Variants in PMS1 observed in about 807,000 individuals in gnomAD.
PMS1 encodes the protein PMS1 protein homolog 1.
In PMS1, 79 loss-of-function variants were observed where a neutral mutation model predicts 93.1. That is an observed-to-expected ratio of 0.85 (90% CI 0.71 to 1.02). PMS1 has a LOEUF of 1.02. PMS1 is among the 50% of genes least tolerant of loss of function. The pLI, the probability that PMS1 is intolerant of heterozygous loss-of-function variation, is 0.00. For synonymous variants in PMS1, 335 were observed against 363.4 expected (o/e 0.92, Z 0.89); for missense variants, 1,064 against 1,085.3 (o/e 0.98, Z 0.28).
intron 5 of PMS1, among the ~76,000 whole-genome samples, chr2:189,821,176 G>A (rs2051823824): frequency 6.6e-6 from 1 of 152,194 alleles, no homozygotes; most frequent in South Asian, 2.1e-4. Flanking sequence ...AGAAAAGTGG[G>A]CTGGGCGCAG....
intron 6 of PMS1, among the ~76,000 whole-genome samples, chr2:189,852,265 G>T (rs1486493307): frequency 1.3e-5 from 2 of 151,854 alleles, no homozygotes; most frequent in Non-Finnish European, 1.5e-5. Flanking sequence ...AGGAAAAGAT[G>T]GTTAAAGACA....
intron 6 of PMS1, among the ~76,000 whole-genome samples, chr2:189,851,822 T>A (rs2054763205): frequency 6.6e-6 from 1 of 150,826 alleles, no homozygotes; most frequent in Non-Finnish European, 1.5e-5. Flanking sequence ...AAAAATCACA[T>A]AGCTAGTGGT....
At chr2:189,793,731 C>G (rs1045558444) in intron 2 of PMS1, among the ~76,000 whole-genome samples, 17 of 152,172 alleles carry the variant, frequency 1.1e-4, no homozygotes, top group African/African-American at 3.9e-4. Context: ...ATATTTTAAT[C>G]TGGCTGTAAA....
rs1185428118 is a variant in PMS1, at chr2:189,859,738, A to C, written c.1857-4005A>C. 2.0e-5 allele frequency among the ~76,000 whole-genome samples: 3 copies of C among 152,084 alleles called. No individual in the cohort carries two copies. The East Asian group carries it at 5.8e-4, about 29-fold the overall frequency. ...ATTTTTCGAACATCCATTATCTTCT[A>C]CCTTTGAAATTGAGTTAAATTAGAT... is the stretch of plus-strand genomic sequence containing the variant. On this transcript the variant is annotated intron_variant, in intron 9 of 12. Coordinates refer to ENST00000441310, the MANE Select transcript of PMS1 (RefSeq NM_000534.5).
At chr2:189,858,227 T>G (rs1246195457) in intron 9 of PMS1, among the ~76,000 whole-genome samples, 1 of 152,104 alleles carries the variant, frequency 6.6e-6, no homozygotes, top group Non-Finnish European at 1.5e-5. Flanking sequence ...TCTAGTGGAT[T>G]AAAATCCAGA....
chr2:189,809,695 A>G (rs1357925049), intron 4 of PMS1, among the ~76,000 whole-genome samples: 2 of 151,924 alleles, frequency 1.3e-5, no homozygotes, highest in Non-Finnish European at 2.9e-5. Context: ...AATACAAAAA[A>G]TTAGCCAGGC....
At chr2:189,803,314 A>G (rs2050057663) in intron 3 of PMS1, among the ~76,000 whole-genome samples, 1 of 152,146 alleles carries the variant, frequency 6.6e-6, no homozygotes, top group African/African-American at 2.4e-5. Context: ...TGAAGTTTAA[A>G]TGCTTTTATG....
intron 5 of PMS1, among the ~76,000 whole-genome samples, chr2:189,836,525 C>T (rs183101983): frequency 6.4e-4 from 97 of 152,290 alleles, no homozygotes; most frequent in Middle Eastern, 3.4e-3. Context: ...ATTGATGAAA[C>T]GGTAGAGAAA....
At chr2:189,845,792 G>T (rs775915221) in intron 6 of PMS1, among the ~76,000 whole-genome samples, 5 of 151,926 alleles carry the variant, frequency 3.3e-5, no homozygotes, top group Non-Finnish European at 5.9e-5. Context: ...GTGCAGTAGC[G>T]CAGTTTTTGC....
chr2:189,853,510 C>A lies in PMS1; in HGVS notation c.823-429C>A, dbSNP rs562677304. Among the ~76,000 whole-genome samples, 8 of 142,182 alleles carry A rather than the reference C, an allele frequency of 5.6e-5. No homozygotes were observed. In the East Asian group the frequency reaches 1.0e-3, roughly 18 times the overall value. The allele number at this position is 142,182 out of a possible 152,430, so 93.3% of individuals were successfully genotyped here. On this transcript the variant is annotated intron_variant, in intron 7 of 12. Transcript: ENST00000441310. ...GTATTACAGATAATGCTTTTCTTTT[C>A]TTTTCTTTTCTTTTTTTTTTTTTGA...
chr2:189,873,558 G>C lies in PMS1; in HGVS notation c.2536G>C (p.Gly846Arg). The change falls in exon 12 of 13, where the codon GGA (glycine) becomes CGA (arginine). Residue 846 changes from glycine (G) to arginine (R), a missense_variant. Gly to Arg is a moderately radical substitution (Grantham distance 125, BLOSUM62 -2). Transcript: ENST00000441310. ...AATGGCTAATTGTCTCCCATTCTAT[G>C]GAGTAGCAGATTTAAAAGAAATTCT... ...EGMANCLPFY[G>R]VADLKEILNA... The C allele has an allele frequency of 3.8e-6, 6 of 1,599,648 alleles. No homozygotes were observed. In the East Asian group the frequency reaches 6.7e-5, roughly 18 times the overall value.
chr2:189,874,721 G>C (rs1396909773), intron 12 of PMS1, among the ~76,000 whole-genome samples: 3 of 152,224 alleles, frequency 2.0e-5, no homozygotes, highest in Non-Finnish European at 4.4e-5. Context: ...ACCTTCTGAA[G>C]AATGTATTCA....
chr2:189,810,299 T>G (rs2050723303), intron 4 of PMS1, among the ~76,000 whole-genome samples: 1 of 152,174 alleles, frequency 6.6e-6, no homozygotes, highest in African/African-American at 2.4e-5. Flanking sequence ...AAACATAATT[T>G]TAAAAACTTG....
chr2:189,835,928 ATT>A (rs1192685430), intron 5 of PMS1, among the ~76,000 whole-genome samples: 1 of 149,446 alleles, frequency 6.7e-6, no homozygotes, highest in African/African-American at 2.5e-5. Context: ...AAAAAAAAAA[ATT>A]CATTGGTGCT....
At chr2:189,824,826 C>A (rs2052281117) in intron 5 of PMS1, among the ~76,000 whole-genome samples, 1 of 151,904 alleles carries the variant, frequency 6.6e-6, no homozygotes. Context: ...TGCTGTTGCA[C>A]CTTTAAAATG....
intron 5 of PMS1, among the ~76,000 whole-genome samples, chr2:189,825,681 C>G (rs1364074389): frequency 6.6e-6 from 1 of 152,076 alleles, no homozygotes; most frequent in Non-Finnish European, 1.5e-5. Flanking sequence ...TAATTAGAGG[C>G]CCACTGGTAT....
At chr2:189,797,856 GTTTTC>G in intron 3 of PMS1, among the ~76,000 whole-genome samples, 1 of 152,110 alleles carries the variant, frequency 6.6e-6, no homozygotes, top group African/African-American at 2.4e-5. Flanking sequence ...GATAGTGTAG[GTTTTC>G]TCCATTTTTT....
At chr2:189,815,547 G>A in intron 4 of PMS1, among the ~76,000 whole-genome samples, 1 of 152,102 alleles carries the variant, frequency 6.6e-6, no homozygotes, top group Non-Finnish European at 1.5e-5. Flanking sequence ...ACTCTCTCAT[G>A]CCGCCTTGTG....
At chr2:189,821,546 C>A (rs1160469932) in intron 5 of PMS1, among the ~76,000 whole-genome samples, 1 of 152,080 alleles carries the variant, frequency 6.6e-6, no homozygotes, top group East Asian at 1.9e-4. Flanking sequence ...CGGTGGCTCA[C>A]ACCTGTAATC....
Sources: allele counts gnomAD v4.1 joint callset (sites outside exome capture counted in the v4.1 genomes callset), GRCh38; gene constraint gnomAD v4.1.1; transcripts MANE v1.5; gene names NCBI Gene and HGNC (gene_info 2026-07-23, HGNC 2026-07-21).